The following EXOC3L2 variants were observed in gnomAD, a reference collection of about 807,000 sequenced individuals.
EXOC3L2 encodes the protein exocyst complex component 3-like protein 2.
EXOC3L2 carries 17 observed loss-of-function variants against 44.4 expected under a neutral mutation model. That is an observed-to-expected ratio of 0.38 (90% confidence interval 0.26 to 0.57). The LOEUF (loss-of-function observed/expected upper bound fraction) is 0.57, where lower values mean the gene tolerates loss of function less well. Ranked by LOEUF, EXOC3L2 falls within the 20% of genes least tolerant of loss-of-function variation. EXOC3L2 has a pLI of 0.65. For missense variants in EXOC3L2, 541 were observed against 588.4 expected (o/e 0.92, Z 0.83); for synonymous variants, 256 against 253.7 (o/e 1.01, Z -0.09).
chr19:45,232,447 A>G (rs1970041479), intron 3 of EXOC3L2, among the ~76,000 whole-genome samples: 1 of 152,208 alleles, frequency 6.6e-6, no homozygotes, highest in South Asian at 2.1e-4. Context: ...ACATGAGAGC[A>G]TTATTGACAT....
chr19:45,216,117 G>A lies in EXOC3L2; in HGVS notation c.2076C>T (p.Ile692=). 1 of 1,613,984 alleles carries A rather than the reference G, an allele frequency of 6.2e-7. No homozygotes were observed. ...GCACCAACACTCCCACCTCCACCTG[G>A]ATGCTGGGCGTGTCTTCCAGCTGCA... ...EVMQLEDTPS[I]QVEVGVLVRD... is the part of the protein sequence containing the mutation. The change falls in exon 11 of 12, where the codon ATC becomes ATT. Residue 692 remains isoleucine, a synonymous_variant. Coordinates refer to ENST00000413988, the MANE Select transcript of EXOC3L2 (RefSeq NM_001382422.1).
chr19:45,238,282 G>A lies in EXOC3L2; in HGVS notation c.523+241C>T, dbSNP rs903336529. ...GCAGGTGGAGGAGGCAAAGATTGAG[G>A]GTGGGCATATATTAACAGGTGGCAC... On this transcript the variant is annotated intron_variant, in intron 2 of 11. Coordinates refer to ENST00000413988, the MANE Select transcript of EXOC3L2 (RefSeq NM_001382422.1). This position sits in a 1 kb window ranked among gnomAD's most constrained non-coding sequence, Gnocchi z 5.5. Among the ~76,000 whole-genome samples, 2 of 152,132 alleles carry A rather than the reference G, an allele frequency of 1.3e-5. No individual in the cohort carries two copies. The highest frequency in any genetic ancestry group is 4.8e-5 in the African/African-American group (2 of 41,426).
chr19:45,239,959 C>T (rs115071383), intron 1 of EXOC3L2, among the ~76,000 whole-genome samples: 2,382 of 152,206 alleles, frequency 0.016, 74 homozygotes, highest in African/African-American at 0.055. Context: ...TCCACCCAGA[C>T]GTCCAGGGCA....
chr19:45,225,859 G>C (rs1241731217), intron 7 of EXOC3L2, among the ~76,000 whole-genome samples: 1 of 152,090 alleles, frequency 6.6e-6, no homozygotes, highest in Non-Finnish European at 1.5e-5. Flanking sequence ...CTGGCCTCAA[G>C]AGATCTGCCC....
chr19:45,228,953 C>T (rs2122976920), intron 4 of EXOC3L2, among the ~76,000 whole-genome samples: 1 of 151,734 alleles, frequency 6.6e-6, no homozygotes, highest in South Asian at 2.1e-4. Context: ...CGCCTGTAGT[C>T]CCAGCTACTC....
At position 45,229,769 on chromosome 19, in the gene EXOC3L2, C is replaced by T. The variant is rs557180692; in HGVS notation, c.1270-1503G>A. 2.0e-3 allele frequency among the ~76,000 whole-genome samples: 293 copies of T among 149,662 alleles called. 2 individuals carry two copies. Among genetic ancestry groups the T allele is most frequent in the African/African-American group, 6.9e-3 (285 of 41,136 alleles). On this transcript the variant is annotated intron_variant, in intron 4 of 11. Coordinates refer to ENST00000413988, the MANE Select transcript of EXOC3L2 (RefSeq NM_001382422.1). ...CTGAGGCAGGACAATCACTTGAACC[C>T]GGGAGGAGGAGGTTGCGGTGAGCCG...
chr19:45,230,368 G>A (rs533002419), intron 4 of EXOC3L2, among the ~76,000 whole-genome samples: 2 of 152,178 alleles, frequency 1.3e-5, no homozygotes, highest in East Asian at 1.9e-4. Context: ...ATAGGCACCC[G>A]CCACCATGCC....
At position 45,225,014 on chromosome 19, in the gene EXOC3L2, C is replaced by T. The variant is rs138255702; in HGVS notation, c.1584-101G>A. 1,430 of 1,324,244 alleles carry T rather than the reference C, an allele frequency of 1.1e-3. 13 individuals are homozygous for T. The African/African-American group carries it at 0.02, about 18-fold the overall frequency. The allele number at this position is 1,324,244 out of a possible 1,614,324, so 82.0% of individuals were successfully genotyped here. A position where few individuals can be genotyped will look rare whatever the true frequency, so the allele number is the denominator to read the frequency against. On this transcript the variant is annotated intron_variant, in intron 7 of 11. Coordinates refer to ENST00000413988, the MANE Select transcript of EXOC3L2 (RefSeq NM_001382422.1). Reference sequence around the variant, plus strand: ...GTAGATCAGAGGGGCACAGGGGTGACAGGTCAGATGGGGGGCTGAGAAAGG... The same window carrying T: ...GTAGATCAGAGGGGCACAGGGGTGATAGGTCAGATGGGGGGCTGAGAAAGG...
Position 45,213,306 on chromosome 19 carries a change from G to A in EXOC3L2, c.2172C>T (p.Ala724=), listed in dbSNP as rs369915015. The change falls in exon 12 of 12, where the codon GCC becomes GCT. Residue 724 remains alanine (A), a synonymous_variant. Coordinates refer to ENST00000413988, the MANE Select transcript of EXOC3L2 (RefSeq NM_001382422.1). ...CCACGGCCAGGATCTCCTGGCGGGC[G>A]GCTGTGTTGCGCAGGCCACGGATGT... ...LLDIRGLRNT[A]ARQEILAVAR... 23 of 1,613,728 alleles carry A rather than the reference G, an allele frequency of 1.4e-5. No homozygotes were observed. In the African/African-American group the frequency reaches 1.7e-4, roughly 12 times the overall value.
At chr19:45,222,402 T>C (rs971118097) in intron 8 of EXOC3L2, among the ~76,000 whole-genome samples, 29 of 152,234 alleles carry the variant, frequency 1.9e-4, no homozygotes, top group African/African-American at 5.8e-4. Flanking sequence ...GGTTTCACCA[T>C]GTTGGCCAGG....
intron 8 of EXOC3L2, among the ~76,000 whole-genome samples, chr19:45,223,859 T>G (rs919504056): frequency 9.2e-5 from 14 of 151,814 alleles, no homozygotes; most frequent in African/African-American, 2.9e-4. Flanking sequence ...CTGGGCGTGG[T>G]GGTGCATGCC....
chr19:45,234,161 C>T lies in EXOC3L2; in HGVS notation c.1157+32G>A. 2.5e-6 allele frequency: 1 copy of T among 393,270 alleles called. No homozygotes were observed. Among genetic ancestry groups the T allele is most frequent in the Non-Finnish European group, 4.5e-6 (1 of 222,546 alleles). 24.4% of individuals were successfully genotyped at this position (393,270 alleles called of 1,614,324 possible). ...TGCTAGGGGGTAGGGCTGAGGGTTT[C>T]ACGTGACCTTGGGCAACTGAGTCCA... On this transcript the variant is annotated intron_variant, in intron 3 of 11. Coordinates refer to ENST00000413988, the MANE Select transcript of EXOC3L2 (RefSeq NM_001382422.1). The surrounding 1 kb of genome is among the most constrained non-coding windows in gnomAD (Gnocchi z 5.0).
At chr19:45,226,448 T>C (rs535742198) in intron 7 of EXOC3L2, among the ~76,000 whole-genome samples, 2 of 152,016 alleles carry the variant, frequency 1.3e-5, no homozygotes, top group South Asian at 4.2e-4. Context: ...TTTATTTTCT[T>C]TTTTTTGAGA....
At chr19:45,239,358 C>T (rs1970112020) in intron 1 of EXOC3L2, among the ~76,000 whole-genome samples, 1 of 150,706 alleles carries the variant, frequency 6.6e-6, no homozygotes, top group African/African-American at 2.4e-5. Context: ...GCTGGGACTA[C>T]AGGCGCCCAC....
intron 1 of EXOC3L2, among the ~76,000 whole-genome samples, chr19:45,239,420 G>A (rs1049200706): frequency 2.0e-5 from 3 of 151,404 alleles, no homozygotes; most frequent in Admixed American, 1.3e-4. Context: ...GTTTCACTGT[G>A]TGAGCCAAGA....
Position 45,217,547 on chromosome 19 carries a change from T to C in EXOC3L2, c.1979A>G (p.Gln660Arg). 1 of 1,575,578 alleles carries C rather than the reference T, an allele frequency of 6.3e-7. No homozygotes were observed. The highest frequency in any genetic ancestry group is 8.6e-7 in the Non-Finnish European group (1 of 1,167,650). The part of the protein sequence containing the change: ...GRLREDAAQL[Q>R]RLFRRLESQA... ...ACTGACCAGCCGCCGGAACAGCCTC[T>C]GCAGTTGCGCCGCGTCCTCCCGGAG... The change falls in exon 10 of 12, where the codon CAG (glutamine) becomes CGG (arginine). Residue 660 changes from glutamine (Q) to arginine (R), a missense_variant. Gln to Arg is a conservative substitution (Grantham distance 43). Coordinates refer to ENST00000413988, the MANE Select transcript of EXOC3L2 (RefSeq NM_001382422.1).
intron 1 of EXOC3L2, among the ~76,000 whole-genome samples, chr19:45,242,509 C>T (rs1040736625): frequency 6.6e-6 from 1 of 152,146 alleles, no homozygotes. Flanking sequence ...CCTCCCTCCT[C>T]GGCCTCCCAA....
In EXOC3L2 at chr19:45,231,872, T is replaced by C. The variant is rs1970035941; in HGVS notation, c.1160A>G (p.Glu387Gly). ...LHWHNQVYPR[E>G]VLGLVDMAAL... The stretch of plus-strand genomic sequence containing the variant: ...GGCCATGTCCACCAGCCCTAGGACC[T>C]CTCTGGGGATGGGGGTGAGAGAAAA... Residue 387 changes from glutamate to glycine, a missense_variant and splice_region_variant, in exon 4 of 12, where the codon GAG becomes GGG. Glu to Gly is a moderately conservative substitution (Grantham distance 98). Coordinates refer to ENST00000413988, the MANE Select transcript of EXOC3L2 (RefSeq NM_001382422.1). 2 of 1,582,918 alleles carry C rather than the reference T, an allele frequency of 1.3e-6. No individual in the cohort carries two copies. Among genetic ancestry groups the C allele is most frequent in the Non-Finnish European group, 1.7e-6 (2 of 1,155,938 alleles).
intron 7 of EXOC3L2, 125 bp from the exon 8 acceptor site, chr19:45,225,038 G>A: frequency 8.1e-7 from 1 of 1,238,304 alleles, no homozygotes; most frequent in South Asian, 2.5e-5. Context: ...GGCTGAGAAA[G>A]GTCAGGGACT....
Sources: allele counts gnomAD v4.1 joint callset (sites outside exome capture counted in the v4.1 genomes callset), GRCh38; gene constraint gnomAD v4.1.1; non-coding constraint Gnocchi (gnomAD v3.1); transcripts MANE v1.5; gene names NCBI Gene and HGNC (gene_info 2026-07-23, HGNC 2026-07-21).